The following KCNIP1 variants were observed in gnomAD, a reference collection of about 807,000 sequenced individuals.
KCNIP1 encodes A-type potassium channel modulatory protein KCNIP1.
KCNIP1 carries 18 observed loss-of-function variants against 33.0 expected under a neutral mutation model. The ratio of observed to expected loss-of-function variants is 0.55; its 90% CI spans 0.38 to 0.81. The LOEUF is 0.81. KCNIP1 is among the 30% of genes least tolerant of loss of function. The probability of loss-of-function intolerance (pLI) is 0.00; values close to 1 mark genes in which losing one functional copy is unlikely to be tolerated. For missense variants in KCNIP1, 238 were observed against 271.6 expected (o/e 0.88, Z 0.87); for synonymous variants, 93 against 98.3 (o/e 0.95, Z 0.32).
intron 1 of KCNIP1, among the ~76,000 whole-genome samples, chr5:170,519,867 ATTG>A (rs1480128535): frequency 6.6e-6 from 1 of 152,134 alleles, no homozygotes; most frequent in Non-Finnish European, 1.5e-5. Context: ...TGTCATTTGT[ATTG>A]TTGTGATTGT....
chr5:170,356,387 G>A (rs1417547447), intron 1 of KCNIP1, among the ~76,000 whole-genome samples: 1 of 151,994 alleles, frequency 6.6e-6, no homozygotes, highest in Non-Finnish European at 1.5e-5. Flanking sequence ...AATACCTGGG[G>A]GACAAGGAGG....
intron 1 of KCNIP1, among the ~76,000 whole-genome samples, chr5:170,447,151 C>T (rs1001113204): frequency 6.6e-6 from 1 of 152,158 alleles, no homozygotes; most frequent in African/African-American, 2.4e-5. Context: ...AAAGCTCCTA[C>T]TGCATGTCTT....
At chr5:170,514,740 C>T (rs1755062293) in intron 1 of KCNIP1, among the ~76,000 whole-genome samples, 1 of 152,170 alleles carries the variant, frequency 6.6e-6, no homozygotes, top group South Asian at 2.1e-4. Context: ...TGAGGTATTT[C>T]AGCATTGGAG....
At chr5:170,650,738 C>A (rs895523594) in intron 1 of KCNIP1, among the ~76,000 whole-genome samples, 1 of 152,040 alleles carries the variant, frequency 6.6e-6, no homozygotes, top group African/African-American at 2.4e-5. Context: ...TAAGAAATTG[C>A]GAATTTAGGA....
chr5:170,430,587 C>T (rs1288942204), intron 1 of KCNIP1, among the ~76,000 whole-genome samples: 2 of 152,160 alleles, frequency 1.3e-5, no homozygotes, highest in African/African-American at 4.8e-5. Context: ...TTGCTTGGTG[C>T]TTGGTGACAT....
intron 1 of KCNIP1, among the ~76,000 whole-genome samples, chr5:170,612,305 G>A (rs1302557008): frequency 1.3e-5 from 2 of 152,232 alleles, no homozygotes; most frequent in Non-Finnish European, 2.9e-5. Flanking sequence ...TCCAGGGCCA[G>A]CCAGCTGTGC....
intron 1 of KCNIP1, among the ~76,000 whole-genome samples, chr5:170,704,563 C>T (rs1763194635): frequency 6.6e-6 from 1 of 152,156 alleles, no homozygotes; most frequent in Admixed American, 6.5e-5. Context: ...AGCGTGGACT[C>T]TTCAGCGCCA....
In KCNIP1 at chr5:170,462,754, G is replaced by GAT. The variant is rs370183547; in HGVS notation, c.88+108804_88+108805dup. 5.9e-3 allele frequency among the ~76,000 whole-genome samples: 883 copies of GAT among 150,204 alleles called. 18 individuals carry two copies. Among genetic ancestry groups the GAT allele is most frequent in the African/African-American group, 0.019 (801 of 41,124 alleles). On this transcript the variant is annotated intron_variant, in intron 1 of 7. Transcript: ENST00000377360. ...CCAAATGCACATAAAGCAACGAGTG[G>GAT]ATATATATATATATAAATGGAATAC... is the stretch of plus-strand genomic sequence containing the variant.
intron 1 of KCNIP1, among the ~76,000 whole-genome samples, chr5:170,646,111 C>A (rs775144364): frequency 2.0e-5 from 3 of 152,120 alleles, no homozygotes; most frequent in African/African-American, 2.4e-5. Context: ...AACATCCTTT[C>A]GAAACAGAAA....
At chr5:170,678,265 G>C (rs958397102) in intron 1 of KCNIP1, 1 of 152,220 alleles carries the variant, frequency 6.6e-6, no homozygotes, top group Non-Finnish European at 1.5e-5. Flanking sequence ...TTTGGAGGCA[G>C]GTAGATTTTG....
intron 1 of KCNIP1, among the ~76,000 whole-genome samples, chr5:170,692,872 T>A (rs985694351): frequency 6.6e-6 from 1 of 152,160 alleles, no homozygotes; most frequent in Non-Finnish European, 1.5e-5. Flanking sequence ...CTAGGACCGA[T>A]TAAAAGAAGT....
At chr5:170,670,770 C>T (rs1215463069) in intron 1 of KCNIP1, among the ~76,000 whole-genome samples, 1 of 152,100 alleles carries the variant, frequency 6.6e-6, no homozygotes, top group Non-Finnish European at 1.5e-5. Flanking sequence ...ATGCAGCACA[C>T]CTGCAGTCCC....
rs557225614 is a variant in KCNIP1, at chr5:170,645,750, A to G, written c.62-73008A>G. On this transcript the variant is annotated intron_variant, in intron 1 of 7. Transcript: ENST00000328939. ...TAAACATACTTAACAAAAGCAAAAT[A>G]ATAAAAATCATACAATGTCTGCTCT... is the stretch of plus-strand genomic sequence containing the variant. 3.9e-5 allele frequency among the ~76,000 whole-genome samples: 6 copies of G among 152,360 alleles called. No individual in the cohort carries two copies. In the South Asian group the frequency reaches 1.0e-3, roughly 26 times the overall value.
chr5:170,362,794 G>C (rs1315156575), intron 1 of KCNIP1, among the ~76,000 whole-genome samples: 1 of 152,196 alleles, frequency 6.6e-6, no homozygotes, highest in Non-Finnish European at 1.5e-5. Context: ...GATTAACTGT[G>C]GGCCAGTTTG....
At chr5:170,673,072 C>T (rs1761985122) in intron 1 of KCNIP1, among the ~76,000 whole-genome samples, 1 of 152,218 alleles carries the variant, frequency 6.6e-6, no homozygotes, top group African/African-American at 2.4e-5. Context: ...ATTTGTTTTA[C>T]TTAGTTGAGT....
intron 1 of KCNIP1, among the ~76,000 whole-genome samples, chr5:170,616,038 T>C (rs1759355987): frequency 6.6e-6 from 1 of 152,156 alleles, no homozygotes; most frequent in Admixed American, 6.5e-5. Flanking sequence ...TTGAGAAATG[T>C]CATGTCTACT....
intron 1 of KCNIP1, among the ~76,000 whole-genome samples, chr5:170,493,071 G>A (rs1387660046): frequency 1.3e-5 from 2 of 152,200 alleles, no homozygotes; most frequent in African/African-American, 4.8e-5. Context: ...CCACAGATGG[G>A]CACAGTCAGA....
chr5:170,474,551 G>C (rs931151961), intron 1 of KCNIP1, among the ~76,000 whole-genome samples: 2 of 152,178 alleles, frequency 1.3e-5, no homozygotes, highest in Non-Finnish European at 2.9e-5. Context: ...TCCATTTATC[G>C]AGCACCTAGT....
upstream of KCNIP1, among the ~76,000 whole-genome samples, chr5:170,503,724 T>TCACACACACACACACACACA (rs70979180): frequency 1.1e-4 from 15 of 136,472 alleles, no homozygotes; most frequent in African/African-American, 3.8e-4. Context: ...CGCACGCACA[T>TCACACACACACACACACACA]CACACACACA....
Sources: allele counts gnomAD v4.1 joint callset (sites outside exome capture counted in the v4.1 genomes callset), GRCh38; gene constraint gnomAD v4.1.1; transcripts MANE v1.5; gene names NCBI Gene and HGNC (gene_info 2026-07-23, HGNC 2026-07-21).